The following ZFHX3 variants were observed in gnomAD, a reference collection of about 807,000 sequenced individuals.
ZFHX3 encodes the protein zinc finger homeobox 3.
ZFHX3 carries 42 observed loss-of-function variants against 279.1 expected under a neutral mutation model. That is an observed-to-expected ratio of 0.15 (90% CI 0.12 to 0.19). The LOEUF is 0.19. Among genes scored for constraint, ZFHX3 ranks in the 10% least tolerant of loss-of-function variants. The probability of loss-of-function intolerance (pLI) is 1.00; values close to 1 mark genes in which losing one functional copy is unlikely to be tolerated. For synonymous variants in ZFHX3, 2,293 were observed against 1,957.8 expected, an observed-to-expected ratio of 1.17 and a Z score of -4.52; for missense variants, 4,981 against 4,754.0, an observed-to-expected ratio of 1.05 and a Z score of -1.40.
chr16:73,068,108 C>T (rs1597146069), intron 8 of ZFHX3, among the ~76,000 whole-genome samples: 1 of 152,264 alleles, frequency 6.6e-6, no homozygotes, highest in East Asian at 1.9e-4. Flanking sequence ...CTCCCAGCAA[C>T]CCTGGGAAAC....
chr16:73,409,952 T>A (rs2017433563), intron 3 of ZFHX3, among the ~76,000 whole-genome samples: 1 of 124,820 alleles, frequency 8.0e-6, no homozygotes, highest in Admixed American at 9.3e-5. Flanking sequence ...AGTAGGTTGA[T>A]GGTTACCAGA....
At chr16:73,073,969 G>C (rs927841844) in intron 8 of ZFHX3, among the ~76,000 whole-genome samples, 11 of 152,210 alleles carry the variant, frequency 7.2e-5, no homozygotes, top group African/African-American at 2.7e-4. Flanking sequence ...AGTACGGAAG[G>C]GTAAGGTGAA....
rs1344062004 is a variant in ZFHX3 at position 72,787,472 on chromosome 16, C to T, written c.10804G>A (p.Ala3602Thr). ...HSNDSPPPPS[A>T]AAPSSASPHA... The stretch of plus-strand genomic sequence containing the variant: ...GGGGAAGCGGAGGAGGGGGCGGCGG[C>T]CGACGGGGGAGGGGGGCTGTCGTTT... Residue 3602 changes from alanine to threonine, a missense_variant, in exon 10 of 10, where the codon GCC becomes ACC. Coordinates refer to ENST00000268489, the MANE Select transcript of ZFHX3 (RefSeq NM_006885.4). The T allele has an allele frequency of 6.3e-7, 1 of 1,581,784 alleles. No homozygotes were observed. Among genetic ancestry groups the T allele is most frequent in the South Asian group, 1.1e-5 (1 of 86,982 alleles).
chr16:73,183,171 C>T (rs1372115359), intron 5 of ZFHX3, among the ~76,000 whole-genome samples: 2 of 152,290 alleles, frequency 1.3e-5, no homozygotes, highest in African/African-American at 4.8e-5. Context: ...TGCCACTGCA[C>T]TCCAGCCTGG....
intron 4 of ZFHX3, among the ~76,000 whole-genome samples, chr16:73,309,183 T>C (rs1342799113): frequency 1.3e-5 from 2 of 152,214 alleles, no homozygotes; most frequent in Non-Finnish European, 2.9e-5. Flanking sequence ...ATCTGAGTAC[T>C]AAGCCTAGTA....
At chr16:73,191,361 T>C (rs552182763) in intron 5 of ZFHX3, among the ~76,000 whole-genome samples, 15 of 152,242 alleles carry the variant, frequency 9.9e-5, no homozygotes, top group Admixed American at 5.2e-4. Flanking sequence ...ATATTGCTTC[T>C]AACAACCAGA....
chr16:73,404,806 G>T (rs1271012809), intron 3 of ZFHX3, among the ~76,000 whole-genome samples: 1 of 152,126 alleles, frequency 6.6e-6, no homozygotes, highest in Admixed American at 6.6e-5. Flanking sequence ...ACCCCTCCAA[G>T]TCCTGTTACC....
intron 7 of ZFHX3, among the ~76,000 whole-genome samples, chr16:73,100,132 T>C (rs1966213635): frequency 1.3e-5 from 2 of 152,172 alleles, no homozygotes; most frequent in South Asian, 4.1e-4. Context: ...AGCCTCTCAT[T>C]AAAAACATTA....
intron 3 of ZFHX3, among the ~76,000 whole-genome samples, chr16:73,388,650 T>C (rs932812051): frequency 5.9e-5 from 9 of 152,078 alleles, no homozygotes; most frequent in African/African-American, 2.2e-4. Flanking sequence ...GCTCCTTTCC[T>C]CCTGAGAGTC....
At chr16:73,131,374 T>G (rs1597170371) in intron 6 of ZFHX3, among the ~76,000 whole-genome samples, 1 of 152,292 alleles carries the variant, frequency 6.6e-6, no homozygotes, top group East Asian at 1.9e-4. Context: ...CCTATGGAAG[T>G]AGGTTCTAGT....
chr16:73,208,381 T>A (rs571233522), intron 5 of ZFHX3, among the ~76,000 whole-genome samples: 1 of 152,226 alleles, frequency 6.6e-6, no homozygotes, highest in African/African-American at 2.4e-5. Flanking sequence ...CCAAACAACA[T>A]GTGTAGATGG....
intron 7 of ZFHX3, among the ~76,000 whole-genome samples, chr16:73,122,578 C>T (rs1263687323): frequency 6.6e-6 from 1 of 152,110 alleles, no homozygotes; most frequent in African/African-American, 2.4e-5. Context: ...GGCTGTGTCT[C>T]TAGGCCACCA....
intron 3 of ZFHX3, among the ~76,000 whole-genome samples, chr16:73,390,871 C>A (rs563367912): frequency 3.9e-5 from 6 of 152,150 alleles, no homozygotes; most frequent in African/African-American, 7.2e-5. Flanking sequence ...AACAACCCCC[C>A]CAAAAGAGGG....
At chr16:73,434,428 G>T (rs952792320) in intron 3 of ZFHX3, among the ~76,000 whole-genome samples, 1 of 152,176 alleles carries the variant, frequency 6.6e-6, no homozygotes, top group Non-Finnish European at 1.5e-5. Context: ...AAACAGGCTA[G>T]GGCTACCCTG....
chr16:73,698,397 G>A (rs2053216982), intron 1 of ZFHX3, among the ~76,000 whole-genome samples: 3 of 152,226 alleles, frequency 2.0e-5, no homozygotes, highest in East Asian at 3.9e-4. Context: ...GCCCACTTAT[G>A]GATGCTAATA....
intron 1 of ZFHX3, among the ~76,000 whole-genome samples, chr16:73,760,561 T>C (rs1352899912): frequency 6.6e-6 from 1 of 152,004 alleles, no homozygotes; most frequent in Admixed American, 6.6e-5. Context: ...TGAACATCAA[T>C]GTAAAAATCC....
At chr16:73,734,218 T>C (rs983888776) in intron 1 of ZFHX3, among the ~76,000 whole-genome samples, 17 of 152,164 alleles carry the variant, frequency 1.1e-4, no homozygotes, top group African/African-American at 4.1e-4. Flanking sequence ...GCCCGGTTCC[T>C]AATAGGCCAT....
intron 8 of ZFHX3, among the ~76,000 whole-genome samples, chr16:73,068,134 C>T (rs961360223): frequency 6.6e-6 from 1 of 152,178 alleles, no homozygotes; most frequent in Non-Finnish European, 1.5e-5. Flanking sequence ...TTATTAGTCC[C>T]ATCTTATAGA....
At chr16:73,690,118 T>A (rs1169386148) in intron 1 of ZFHX3, among the ~76,000 whole-genome samples, 2 of 152,186 alleles carry the variant, frequency 1.3e-5, no homozygotes, top group Non-Finnish European at 2.9e-5. Flanking sequence ...GGTTTCACCA[T>A]GTTGGCCAGA....
Sources: gnomAD v4.1 joint callset for allele counts (sites outside exome capture counted in the v4.1 genomes callset) on GRCh38, gnomAD v4.1.1 for gene constraint, MANE v1.5 for transcripts, NCBI Gene and HGNC (gene_info 2026-07-23, HGNC 2026-07-21) for gene names.